The following SLC8A1 variants were observed in gnomAD, a reference collection of about 807,000 sequenced individuals.
The protein encoded by SLC8A1 is solute carrier family 8 member A1, also known as sodium/calcium exchanger 1.
SLC8A1 carries 18 observed loss-of-function variants against 68.3 expected under a neutral mutation model. The ratio of observed to expected loss-of-function variants is 0.26; its 90% CI spans 0.18 to 0.39. SLC8A1 has a LOEUF of 0.39. SLC8A1 is among the 10% of genes least tolerant of loss of function. SLC8A1 has a pLI of 1.00. For missense variants in SLC8A1, 985 were observed against 1,156.7 expected (o/e 0.85, Z 2.15); for synonymous variants, 475 against 415.5 (o/e 1.14, Z -1.74).
chr2:40,174,890 A>G (rs775216658), intron 3 of SLC8A1, 48 bp from the exon 5 acceptor site: 2 of 1,565,860 alleles, frequency 1.3e-6, no homozygotes, highest in African/African-American at 1.4e-5. Context: ...GACACTCTAC[A>G]TAACAAATAC....
chr2:40,283,246 A>G (rs2067780389), intron 2 of SLC8A1, among the ~76,000 whole-genome samples: 1 of 152,210 alleles, frequency 6.6e-6, no homozygotes, highest in Non-Finnish European at 1.5e-5. Context: ...TAGTGTTTCC[A>G]ATGATTTCAT....
chr2:40,457,688 A>T (rs1222107003), intron 1 of SLC8A1, among the ~76,000 whole-genome samples: 1 of 152,250 alleles, frequency 6.6e-6, no homozygotes, highest in Non-Finnish European at 1.5e-5. Flanking sequence ...TAGAAACTGC[A>T]TTCTATTTTC....
intron 2 of SLC8A1, among the ~76,000 whole-genome samples, chr2:40,373,599 A>G (rs1049705840): frequency 1.3e-5 from 2 of 152,094 alleles, no homozygotes; most frequent in Non-Finnish European, 2.9e-5. Context: ...CTGCCGAACA[A>G]TCCAGTGGAA....
At chr2:40,255,826 T>A (rs2063822266) in intron 2 of SLC8A1, among the ~76,000 whole-genome samples, 1 of 152,146 alleles carries the variant, frequency 6.6e-6, no homozygotes, top group African/African-American at 2.4e-5. Context: ...ACTTGTCACA[T>A]CAATTAGTCA....
chr2:40,331,722 T>G (rs979017559), intron 2 of SLC8A1, among the ~76,000 whole-genome samples: 1 of 151,932 alleles, frequency 6.6e-6, no homozygotes, highest in African/African-American at 2.4e-5. Flanking sequence ...GCCTACCGAG[T>G]AGCTGGGATT....
chr2:40,194,473 G>A (rs1344281638), intron 2 of SLC8A1, among the ~76,000 whole-genome samples: 2 of 126,534 alleles, frequency 1.6e-5, no homozygotes, highest in Non-Finnish European at 3.4e-5. Context: ...TAAGCAATGT[G>A]TGTGTGTGTG....
intron 2 of SLC8A1, among the ~76,000 whole-genome samples, chr2:40,256,408 C>T (rs1322665938): frequency 2.6e-5 from 4 of 152,236 alleles, no homozygotes; most frequent in Non-Finnish European, 4.4e-5. Flanking sequence ...ATGATGTATA[C>T]ATATACACAT....
At chr2:40,180,897 A>T (rs1558647567) in intron 2 of SLC8A1, among the ~76,000 whole-genome samples, 1 of 152,130 alleles carries the variant, frequency 6.6e-6, no homozygotes, top group Non-Finnish European at 1.5e-5. Flanking sequence ...TCACCAAACA[A>T]CATATTGTTT....
chr2:40,172,278 G>A (rs1195014392), intron 4 of SLC8A1, among the ~76,000 whole-genome samples: 4 of 152,164 alleles, frequency 2.6e-5, no homozygotes, highest in African/African-American at 4.8e-5. Flanking sequence ...AAAGTGAGAC[G>A]ATTTCTTAGA....
At chr2:40,451,175 A>G (rs1461854360) in intron 1 of SLC8A1, among the ~76,000 whole-genome samples, 1 of 152,188 alleles carries the variant, frequency 6.6e-6, no homozygotes, top group African/African-American at 2.4e-5. Flanking sequence ...TTCCCCCAAG[A>G]GCCAGCAAAG....
intron 2 of SLC8A1, among the ~76,000 whole-genome samples, chr2:40,346,212 CT>C (rs1007395795): frequency 2.6e-5 from 4 of 152,044 alleles, no homozygotes; most frequent in Non-Finnish European, 4.4e-5. Flanking sequence ...GGGTTGATTT[CT>C]TTTATTGCAC....
At chr2:40,348,014 C>T (rs1235585627) in intron 2 of SLC8A1, among the ~76,000 whole-genome samples, 1 of 152,138 alleles carries the variant, frequency 6.6e-6, no homozygotes, top group Non-Finnish European at 1.5e-5. Flanking sequence ...GCTGTATTTG[C>T]TCCAGTGCTT....
At chr2:40,176,996 T>C (rs1358313800) in intron 3 of SLC8A1, among the ~76,000 whole-genome samples, 1 of 152,180 alleles carries the variant, frequency 6.6e-6, no homozygotes, top group Non-Finnish European at 1.5e-5. Context: ...CATATATTAA[T>C]AATCAGCAAA....
chr2:40,481,218 T>A (rs1295151278), intron 1 of SLC8A1, among the ~76,000 whole-genome samples: 1 of 152,206 alleles, frequency 6.6e-6, no homozygotes, highest in African/African-American at 2.4e-5. Context: ...GAGGAATGGA[T>A]ATAAAAAAGG....
At chr2:40,163,750 AG>A (rs1197480095) in intron 5 of SLC8A1, among the ~76,000 whole-genome samples, 1 of 152,228 alleles carries the variant, frequency 6.6e-6, no homozygotes, top group African/African-American at 2.4e-5. Context: ...AGTGGCCTAA[AG>A]GAAAAAGATT....
Position 40,484,922 on chromosome 2 carries a change from C to A in SLC8A1, c.-25+27427G>T, listed in dbSNP as rs764815579. Among the ~76,000 whole-genome samples, 3 of 152,074 alleles carry A rather than the reference C, an allele frequency of 2.0e-5. 1 individual carries two copies. The South Asian group carries it at 6.2e-4, about 32-fold the overall frequency. On this transcript the variant is annotated intron_variant, in intron 1 of 7. Transcript: ENST00000402441. ...CCAGAGAGATATGCATTGCTTGCAT[C>A]CTATATTTTTAATTTAATGTTACGT...
chr2:40,384,623 T>A (rs1219868868), intron 2 of SLC8A1, among the ~76,000 whole-genome samples: 1 of 152,150 alleles, frequency 6.6e-6, no homozygotes, highest in African/African-American at 2.4e-5. Context: ...TTCAAGATAT[T>A]ATAGTTGTAT....
intron 1 of SLC8A1, among the ~76,000 whole-genome samples, chr2:40,484,913 T>A (rs1274233593): frequency 6.6e-6 from 1 of 152,182 alleles, no homozygotes; most frequent in Non-Finnish European, 1.5e-5. Flanking sequence ...AGATATGCAT[T>A]GCTTGCATCC....
At chr2:40,373,898 A>G (rs1678960141) in intron 2 of SLC8A1, among the ~76,000 whole-genome samples, 1 of 152,128 alleles carries the variant, frequency 6.6e-6, no homozygotes, top group Non-Finnish European at 1.5e-5. Context: ...TCTCTTTCAG[A>G]TATCTTCCAA....
Sources: gnomAD v4.1 joint callset for allele counts (sites outside exome capture counted in the v4.1 genomes callset) on GRCh38, gnomAD v4.1.1 for gene constraint, MANE v1.5 for transcripts, NCBI Gene and HGNC (gene_info 2026-07-23, HGNC 2026-07-21) for gene names.